CPSF4: variants seen among roughly 807,000 people sequenced by gnomAD.
CPSF4 encodes cleavage and polyadenylation specific factor 4.
A neutral mutation model predicts 37.7 loss-of-function variants in CPSF4; 11 were observed. The ratio of observed to expected loss-of-function variants is 0.29; its 90% CI spans 0.18 to 0.48. CPSF4 has a LOEUF of 0.48. Ranked by LOEUF, CPSF4 falls within the 20% of genes least tolerant of loss-of-function variation. The pLI is 0.99. For missense variants in CPSF4, 144 were observed against 359.5 expected (o/e 0.40, Z 4.85); for synonymous variants, 132 against 135.9 (o/e 0.97, Z 0.20).
At chr7:99,456,332 G>A in intron 7 of CPSF4, 100 bp from the exon 8 acceptor site, 1 of 999,764 alleles carries the variant, frequency 1.0e-6, no homozygotes, top group Non-Finnish European at 1.6e-6. Context: ...GGGACTTGGT[G>A]GATGATTTGG....
intron 1 of CPSF4, among the ~76,000 whole-genome samples, chr7:99,440,674 A>ATATATATATATTTTTT: frequency 3.4e-5 from 3 of 88,082 alleles, no homozygotes; most frequent in East Asian, 3.4e-4. Context: ...ATATATATAT[A>ATATATATATATTTTTT]TTTTTTTTTT....
chr7:99,453,918 C>G lies in CPSF4; in HGVS notation c.571-48C>G. 6.4e-7 allele frequency: 1 copy of G among 1,573,034 alleles called. No individual in the cohort carries two copies. The highest frequency in any genetic ancestry group is 8.7e-7 in the Non-Finnish European group (1 of 1,147,188). On this transcript the variant is annotated intron_variant, in intron 6 of 7. Transcript: ENST00000292476. The surrounding 1 kb of genome is among the most constrained non-coding windows in gnomAD (Gnocchi z 4.7). Reference sequence around the variant, plus strand: ...TTTTCCTGTCCCCATCGGTAGTCTGCGTGCACGTGTTTTCCACAGTAAAAC... The same window carrying G: ...TTTTCCTGTCCCCATCGGTAGTCTGGGTGCACGTGTTTTCCACAGTAAAAC...
At position 99,454,118 on chromosome 7, in the gene CPSF4, G is replaced by A; in HGVS notation, c.723G>A (p.Glu241=). Residue 241 remains glutamate (E), a synonymous_variant, in exon 7 of 8, where the codon GAG becomes GAA. Coordinates refer to ENST00000292476, the MANE Select transcript of CPSF4 (RefSeq NM_006693.4). ...GCAACCGGGGACCCCGGCCACTGGA[G>A]CAGGTCACCTGTTACAAGGTGAGTC... The part of the protein sequence containing the change: ...SAGNRGPRPL[E]QVTCYKCGEK... The A allele has an allele frequency of 6.2e-7, 1 of 1,613,942 alleles. No homozygotes were observed. Among genetic ancestry groups the A allele is most frequent in the Non-Finnish European group, 8.5e-7 (1 of 1,179,928 alleles).
At chr7:99,440,674 A>ATGTTTTTTTTTTT in intron 1 of CPSF4, among the ~76,000 whole-genome samples, 1 of 88,128 alleles carries the variant, frequency 1.1e-5, no homozygotes, top group Non-Finnish European at 1.8e-5. Flanking sequence ...ATATATATAT[A>ATGTTTTTTTTTTT]TTTTTTTTTT....
In CPSF4 at chr7:99,448,221, G is replaced by A; in HGVS notation, c.255G>A (p.Leu85=). ...LCKKGDQCEF[L]HEYDMTKMPE... is the part of the protein sequence containing the mutation. Reference sequence around the variant, plus strand: ...AGAAAGGGGACCAGTGTGAGTTCCTGCATGAGTATGACATGACCAAGATGC... The same window carrying A: ...AGAAAGGGGACCAGTGTGAGTTCCTACATGAGTATGACATGACCAAGATGC... The change falls in exon 3 of 8, where the codon CTG becomes CTA. Residue 85 remains leucine (L), a synonymous_variant. Transcript: ENST00000292476. The surrounding 1 kb of genome is among the most constrained non-coding windows in gnomAD (Gnocchi z 4.4). 1 of 1,614,202 alleles carries A rather than the reference G, an allele frequency of 6.2e-7. No individual in the cohort carries two copies. Among genetic ancestry groups the A allele is most frequent in the East Asian group, 2.2e-5 (1 of 44,876 alleles).
intron 1 of CPSF4, among the ~76,000 whole-genome samples, chr7:99,440,311 A>G (rs1367912776): frequency 6.6e-5 from 10 of 152,094 alleles, no homozygotes; most frequent in Non-Finnish European, 1.3e-4. Flanking sequence ...TCTCATGCAC[A>G]TGTGACCTCT....
At chr7:99,444,230 G>A (rs931643347) in intron 1 of CPSF4, among the ~76,000 whole-genome samples, 1 of 152,112 alleles carries the variant, frequency 6.6e-6, no homozygotes, top group Admixed American at 6.6e-5. Flanking sequence ...GCCGAGGTGG[G>A]TGGATCACCT....
intron 1 of CPSF4, 48 bp downstream of exon 1, chr7:99,439,233 A>C: frequency 7.1e-7 from 1 of 1,403,890 alleles, no homozygotes; most frequent in Non-Finnish European, 9.7e-7. Flanking sequence ...CGAACCCGGG[A>C]CCCGCTCCTC....
intron 1 of CPSF4, chr7:99,441,351 G>T: frequency 2.2e-6 from 1 of 454,508 alleles, no homozygotes; most frequent in South Asian, 1.6e-5. Flanking sequence ...ACATCCACAA[G>T]CCTGTGAGGG....
intron 4 of CPSF4, 113 bp from the exon 5 acceptor site, chr7:99,450,589 T>G (rs1584507897): frequency 1.1e-6 from 1 of 913,614 alleles, no homozygotes; most frequent in South Asian, 1.4e-5. Flanking sequence ...TGTTGGGAGG[T>G]GAGGTCCCTG....
At chr7:99,443,435 A>C (rs1008957807) in intron 1 of CPSF4, 5 of 1,323,932 alleles carry the variant, frequency 3.8e-6, no homozygotes, top group Middle Eastern at 2.0e-4. Context: ...AACCACAAGA[A>C]GACATTCTTG....
At chr7:99,447,194 C>T (rs559224192) in intron 2 of CPSF4, among the ~76,000 whole-genome samples, 1 of 151,842 alleles carries the variant, frequency 6.6e-6, no homozygotes, top group Non-Finnish European at 1.5e-5. Flanking sequence ...AGTGATTCTC[C>T]TGTCTTGGCC....
chr7:99,450,250 G>A (rs546290333), intron 3 of CPSF4, 26 bp from the exon 4 acceptor site: 2 of 1,580,512 alleles, frequency 1.3e-6, no homozygotes, highest in African/African-American at 1.3e-5. Flanking sequence ...CCTTCCCAGT[G>A]GTCTCACGTC....
chr7:99,452,549 AGAG>A (rs1798009397), intron 6 of CPSF4, 109 bp downstream of exon 6: 3 of 939,656 alleles, frequency 3.2e-6, no homozygotes, highest in Admixed American at 4.0e-5. Flanking sequence ...ACAACTTGGG[AGAG>A]GAGGGGAGTC....
chr7:99,454,081 A>G lies in CPSF4; in HGVS notation c.686A>G (p.Asn229Ser). The G allele has an allele frequency of 6.2e-7, 1 of 1,614,162 alleles. No individual in the cohort carries two copies. Among genetic ancestry groups the G allele is most frequent in the Non-Finnish European group, 8.5e-7 (1 of 1,180,036 alleles). The change falls in exon 7 of 8, where the codon AAC becomes AGC. Residue 229 changes from asparagine (N) to serine (S), a missense_variant. Transcript: ENST00000292476. ...GTCATCGGGGTCATGCAGAGTCAAA[A>G]CAGCAGCGCGGGCAACCGGGGACCC... The part of the protein sequence containing the change: ...PQVIGVMQSQ[N>S]SSAGNRGPRP...
intron 2 of CPSF4, chr7:99,447,766 T>A (rs1174794770): frequency 2.3e-6 from 1 of 438,558 alleles, no homozygotes; most frequent in Admixed American, 2.4e-5. Context: ...ATTTTTTGTA[T>A]TTTTAGAAGA....
At chr7:99,456,358 C>A (rs1798312587) in intron 7 of CPSF4, 74 bp from the exon 8 acceptor site, 1 of 1,362,746 alleles carries the variant, frequency 7.3e-7, no homozygotes, top group East Asian at 2.3e-5. Context: ...GGTGGGCACT[C>A]CCTTAGTTGA....
chr7:99,447,338 C>T (rs1391764585), intron 2 of CPSF4, among the ~76,000 whole-genome samples: 2 of 149,206 alleles, frequency 1.3e-5, no homozygotes, highest in Non-Finnish European at 3.0e-5. Flanking sequence ...GCGTGATCTC[C>T]GGTCACTGCA....
At chr7:99,452,566 C>T (rs1434811933) in intron 6 of CPSF4, 126 bp downstream of exon 6, 8 of 820,942 alleles carry the variant, frequency 9.7e-6, no homozygotes, top group Non-Finnish European at 1.6e-5. Context: ...GGGAGTCTCC[C>T]AAGTTCCCGA....
Sources: gnomAD v4.1 joint callset for allele counts (sites outside exome capture counted in the v4.1 genomes callset) on GRCh38, gnomAD v4.1.1 for gene constraint, Gnocchi (gnomAD v3.1) non-coding constraint, MANE v1.5 for transcripts, NCBI Gene and HGNC (gene_info 2026-07-23, HGNC 2026-07-21) for gene names.